Variants in DLG2 observed in about 807,000 individuals in gnomAD.
The protein encoded by DLG2 is discs large MAGUK scaffold protein 2, also known as disks large homolog 2.
DLG2 carries 45 observed loss-of-function variants against 132.5 expected under a neutral mutation model. That is an observed-to-expected ratio of 0.34 (90% CI 0.27 to 0.44). The LOEUF (loss-of-function observed/expected upper bound fraction) is 0.44, where lower values mean the gene tolerates loss of function less well. Ranked by LOEUF, DLG2 falls within the 20% of genes least tolerant of loss-of-function variation. The probability of loss-of-function intolerance (pLI) is 1.00; values close to 1 mark genes in which losing one functional copy is unlikely to be tolerated. For synonymous variants in DLG2, 424 were observed against 419.6 expected, an observed-to-expected ratio of 1.01 and a Z score of -0.13; for missense variants, 1,045 against 1,196.9, an observed-to-expected ratio of 0.87 and a Z score of 1.87.
At chr11:85,255,251 C>T (rs930068529) in intron 4 of DLG2, among the ~76,000 whole-genome samples, 1 of 152,104 alleles carries the variant, frequency 6.6e-6, no homozygotes, top group African/African-American at 2.4e-5. Context: ...TATCACACTA[C>T]TAATAAGCAA....
intron 16 of DLG2, among the ~76,000 whole-genome samples, chr11:83,847,794 T>G (rs2058909956): frequency 6.6e-6 from 1 of 152,210 alleles, no homozygotes; most frequent in Admixed American, 6.5e-5. Context: ...TATTTAGTAC[T>G]CACCTTCAAG....
intron 16 of DLG2, among the ~76,000 whole-genome samples, chr11:83,864,652 TA>T (rs2061992271): frequency 6.6e-6 from 1 of 152,156 alleles, no homozygotes; most frequent in Admixed American, 6.6e-5. Flanking sequence ...AAATAAAGGA[TA>T]AACATCGCTG....
intron 19 of DLG2, among the ~76,000 whole-genome samples, chr11:83,550,451 CT>C (rs1395856540): frequency 6.6e-6 from 1 of 152,140 alleles, no homozygotes; most frequent in Admixed American, 6.6e-5. Context: ...TTGAGCCCAC[CT>C]TCTCTTTCAG....
rs185585811 is a variant in DLG2 at position 85,565,489 on chromosome 11, A to G, written c.40+33168T>C. On this transcript the variant is annotated intron_variant, in intron 3 of 27. Coordinates refer to ENST00000376104, the MANE Select transcript of DLG2 (RefSeq NM_001142699.3). Reference sequence around the variant, plus strand: ...TTCAGAACATTTTCACCAACCCCATACTCATTAAGCTGTCACTCCCCATTC... The same window carrying G: ...TTCAGAACATTTTCACCAACCCCATGCTCATTAAGCTGTCACTCCCCATTC... 2.9e-3 allele frequency among the ~76,000 whole-genome samples: 445 copies of G among 152,134 alleles called. 17 individuals are homozygous for G. Among genetic ancestry groups the G allele is most frequent in the Admixed American group, 0.026 (392 of 15,256 alleles).
chr11:83,751,323 A>G (rs1303667473), intron 18 of DLG2, among the ~76,000 whole-genome samples: 4 of 152,204 alleles, frequency 2.6e-5, no homozygotes, highest in Non-Finnish European at 4.4e-5. Context: ...AAACGAAGTC[A>G]GAGAGTAAAT....
At chr11:84,445,221 C>A (rs2154479107) in intron 7 of DLG2, among the ~76,000 whole-genome samples, 2 of 152,294 alleles carry the variant, frequency 1.3e-5, no homozygotes. Flanking sequence ...CTCACAATAA[C>A]TATCAGTTAA....
At chr11:84,463,605 T>C (rs899851788) in intron 7 of DLG2, among the ~76,000 whole-genome samples, 1 of 151,170 alleles carries the variant, frequency 6.6e-6, no homozygotes, top group Admixed American at 6.6e-5. Context: ...ACTATCTGGG[T>C]GCATTGTACT....
intron 12 of DLG2, among the ~76,000 whole-genome samples, chr11:83,966,662 T>C (rs561195903): frequency 2.0e-3 from 300 of 152,202 alleles, no homozygotes; most frequent in Admixed American, 2.9e-3. Context: ...CACAGCATGA[T>C]GTTATATCAC....
chr11:84,495,591 A>G (rs904557795), intron 7 of DLG2, among the ~76,000 whole-genome samples: 17 of 152,298 alleles, frequency 1.1e-4, no homozygotes, highest in Middle Eastern at 6.8e-3. Context: ...AAACAAAAGA[A>G]TAAATGATGT....
chr11:84,093,442 G>A (rs908549233), intron 10 of DLG2, among the ~76,000 whole-genome samples: 3 of 152,084 alleles, frequency 2.0e-5, no homozygotes, highest in African/African-American at 7.2e-5. Context: ...TCTGCCACCA[G>A]CCTGAGAAAA....
chr11:84,226,012 T>C (rs1597859553), intron 8 of DLG2, among the ~76,000 whole-genome samples: 2 of 152,306 alleles, frequency 1.3e-5, no homozygotes, highest in Middle Eastern at 3.4e-3. Flanking sequence ...AGTTTCCCCA[T>C]GTTGGCCAGG....
At chr11:84,207,984 T>C (rs1009413516) in intron 8 of DLG2, among the ~76,000 whole-genome samples, 3 of 152,128 alleles carry the variant, frequency 2.0e-5, no homozygotes, top group Non-Finnish European at 4.4e-5. Flanking sequence ...CTGAGTAACT[T>C]TAGAAAACAG....
chr11:85,013,881 T>C (rs548671239), intron 6 of DLG2, among the ~76,000 whole-genome samples: 64 of 152,302 alleles, frequency 4.2e-4, no homozygotes, highest in South Asian at 6.2e-4. Context: ...GTGCATGCTA[T>C]TATGCTATCA....
At chr11:85,520,288 G>T (rs909616352) in intron 3 of DLG2, among the ~76,000 whole-genome samples, 3 of 152,038 alleles carry the variant, frequency 2.0e-5, no homozygotes, top group South Asian at 2.1e-4. Context: ...ATACCTTCAA[G>T]TAGATAAAAG....
At chr11:84,850,706 G>T (rs1413830037) in intron 6 of DLG2, among the ~76,000 whole-genome samples, 2 of 152,032 alleles carry the variant, frequency 1.3e-5, no homozygotes, top group Admixed American at 1.3e-4. Flanking sequence ...GTTGCAGGAT[G>T]CAAGATGAAC....
At chr11:84,578,180 A>G (rs560908012) in intron 6 of DLG2, among the ~76,000 whole-genome samples, 2 of 152,326 alleles carry the variant, frequency 1.3e-5, no homozygotes, top group East Asian at 3.9e-4. Context: ...GCCCTCATAG[A>G]GAACCACTGC....
chr11:84,271,664 T>C (rs2097724061), intron 7 of DLG2, among the ~76,000 whole-genome samples: 1 of 152,160 alleles, frequency 6.6e-6, no homozygotes, highest in African/African-American at 2.4e-5. Context: ...ACACTGGGAA[T>C]AGATGCACTT....
chr11:83,501,101 T>C (rs2094432620), intron 21 of DLG2, among the ~76,000 whole-genome samples: 1 of 152,174 alleles, frequency 6.6e-6, no homozygotes, highest in South Asian at 2.1e-4. Context: ...TTGAAATTAT[T>C]TTTAAATTCC....
intron 18 of DLG2, chr11:83,724,769 G>C: frequency 1.5e-6 from 1 of 685,582 alleles, no homozygotes; most frequent in Admixed American, 2.0e-5. Flanking sequence ...AGGAGAATCT[G>C]CTGCCCTCTT....
Sources: gnomAD v4.1 joint callset for allele counts (sites outside exome capture counted in the v4.1 genomes callset) on GRCh38, gnomAD v4.1.1 for gene constraint, MANE v1.5 for transcripts, NCBI Gene and HGNC (gene_info 2026-07-23, HGNC 2026-07-21) for gene names.